The following SNX29 variants were observed in gnomAD, a reference collection of about 807,000 sequenced individuals.
SNX29 encodes sorting nexin-29.
Under a neutral mutation model 102.1 loss-of-function variants are expected in SNX29, and 78 were observed. The observed-to-expected ratio is 0.76, with a 90% CI of 0.64 to 0.92. SNX29 has a LOEUF of 0.92. Among genes scored for constraint, SNX29 ranks in the 40% least tolerant of loss-of-function variants. The pLI is 0.00. For synonymous variants in SNX29, 580 were observed against 414.5 expected (o/e 1.40, Z -4.85); for missense variants, 1,280 against 1,061.7 (o/e 1.21, Z -2.86).
At chr16:12,563,559 A>T (rs2078851331) in intron 20 of SNX29, among the ~76,000 whole-genome samples, 1 of 152,022 alleles carries the variant, frequency 6.6e-6, no homozygotes, top group Non-Finnish European at 1.5e-5. Flanking sequence ...TGAGGGGTCT[A>T]CCCCACCCCT....
At chr16:12,391,253 T>C (rs981999022) in intron 16 of SNX29, among the ~76,000 whole-genome samples, 1 of 152,150 alleles carries the variant, frequency 6.6e-6, no homozygotes, top group Non-Finnish European at 1.5e-5. Context: ...GCCTTACAAA[T>C]TATCATTGTT....
intron 19 of SNX29, among the ~76,000 whole-genome samples, chr16:12,508,231 C>T (rs1170073936): frequency 2.6e-5 from 4 of 152,136 alleles, no homozygotes; most frequent in Admixed American, 6.5e-5. Flanking sequence ...TCCAGAGAAT[C>T]GGCAAGGTCA....
chr16:12,457,690 C>G (rs1454055346), intron 18 of SNX29, among the ~76,000 whole-genome samples: 2 of 152,216 alleles, frequency 1.3e-5, no homozygotes, highest in African/African-American at 4.8e-5. Flanking sequence ...ACACGTTAGC[C>G]TCTGCCGTGG....
At chr16:12,511,774 C>T (rs148071435) in intron 19 of SNX29, among the ~76,000 whole-genome samples, 2 of 152,098 alleles carry the variant, frequency 1.3e-5, no homozygotes, top group Non-Finnish European at 2.9e-5. Flanking sequence ...GTCATCCCCC[C>T]TCCCCCGCAA....
chr16:12,550,747 G>A (rs1406309167), intron 20 of SNX29, among the ~76,000 whole-genome samples: 4 of 152,072 alleles, frequency 2.6e-5, no homozygotes, highest in Middle Eastern at 3.4e-3. Context: ...TAAAAAAGGT[G>A]ATAAAATAGT....
intron 20 of SNX29, among the ~76,000 whole-genome samples, chr16:12,537,908 C>T (rs565697073): frequency 3.3e-5 from 5 of 151,728 alleles, no homozygotes; most frequent in Admixed American, 2.6e-4. Context: ...TCACTGGAAC[C>T]CAGGAGGCAG....
At chr16:12,551,349 G>C (rs949885457) in intron 20 of SNX29, among the ~76,000 whole-genome samples, 4 of 152,172 alleles carry the variant, frequency 2.6e-5, no homozygotes, top group Admixed American at 2.6e-4. Flanking sequence ...TCATTCTTTT[G>C]GGGGCTAGTC....
chr16:12,038,193 G>C (rs568528674), intron 4 of SNX29, among the ~76,000 whole-genome samples: 2 of 152,230 alleles, frequency 1.3e-5, no homozygotes, highest in African/African-American at 4.8e-5. Flanking sequence ...CATACACGTA[G>C]GTACTGTTCT....
intron 2 of SNX29, chr16:12,000,490 G>A (rs1274406746): frequency 6.6e-6 from 1 of 152,030 alleles, no homozygotes; most frequent in East Asian, 1.9e-4. Context: ...TACACTATAG[G>A]GAGGTAAGTA....
chr16:12,309,165 A>C (rs1285537917), intron 15 of SNX29, among the ~76,000 whole-genome samples: 3 of 152,132 alleles, frequency 2.0e-5, no homozygotes, highest in Non-Finnish European at 4.4e-5. Flanking sequence ...GATGGGAGAG[A>C]AGAGGTGGGC....
intron 18 of SNX29, among the ~76,000 whole-genome samples, chr16:12,418,573 G>A (rs1017365342): frequency 3.3e-5 from 5 of 151,678 alleles, no homozygotes; most frequent in African/African-American, 9.7e-5. Flanking sequence ...GGAGTGCGGT[G>A]GCACGATCTT....
intron 20 of SNX29, among the ~76,000 whole-genome samples, chr16:12,563,299 A>G (rs539465767): frequency 6.6e-6 from 1 of 152,236 alleles, no homozygotes; most frequent in East Asian, 1.9e-4. Context: ...CAGCTCGGAA[A>G]GTCTGCTTTG....
Position 12,398,468 on chromosome 16 carries a change from C to G in SNX29, c.1922C>G (p.Thr641Arg), listed in dbSNP as rs200581572. Residue 641 changes from threonine (T) to arginine (R), a missense_variant, in exon 17 of 21, where the codon ACG (threonine) becomes AGG (arginine). Thr to Arg is a moderately conservative substitution (Grantham distance 71). Transcript: ENST00000566228. Reference protein sequence around the residue: ...RGPVPGDLSQTSEDQSLSDFE... With the variant: ...RGPVPGDLSQRSEDQSLSDFE... The stretch of plus-strand genomic sequence containing the variant: ...TAGGTGCCTGGAGATTTGAGTCAAA[C>G]GTCCGAAGACCAGAGTTTGTCGGAT... 4 of 1,614,014 alleles carry G rather than the reference C, an allele frequency of 2.5e-6. No homozygotes were observed. The East Asian group carries it at 6.7e-5, about 27-fold the overall frequency.
At chr16:12,195,703 G>A (rs372109140) in intron 13 of SNX29, among the ~76,000 whole-genome samples, 1 of 152,168 alleles carries the variant, frequency 6.6e-6, no homozygotes, top group Non-Finnish European at 1.5e-5. Context: ...TTCGCTAAAC[G>A]TGTATAATGT....
At chr16:12,442,167 A>G (rs1182912179) in intron 18 of SNX29, among the ~76,000 whole-genome samples, 1 of 152,200 alleles carries the variant, frequency 6.6e-6, no homozygotes, top group Non-Finnish European at 1.5e-5. Flanking sequence ...GTTTGTTTAA[A>G]AAAAAAACTG....
At chr16:12,181,264 G>A (rs1315854035) in intron 13 of SNX29, among the ~76,000 whole-genome samples, 2 of 152,202 alleles carry the variant, frequency 1.3e-5, no homozygotes, top group Admixed American at 6.5e-5. Flanking sequence ...AGCCTCCGGA[G>A]GTCCCGAGGA....
intron 13 of SNX29, among the ~76,000 whole-genome samples, chr16:12,144,361 C>T (rs2054974150): frequency 6.6e-6 from 1 of 152,186 alleles, no homozygotes; most frequent in South Asian, 2.1e-4. Context: ...CCATAAACAA[C>T]ATGTAGGTTT....
At chr16:12,349,687 A>G (rs955865306) in intron 15 of SNX29, among the ~76,000 whole-genome samples, 3 of 152,228 alleles carry the variant, frequency 2.0e-5, no homozygotes, top group Non-Finnish European at 4.4e-5. Flanking sequence ...ATAGGCATCT[A>G]AAAGAATGAC....
At chr16:12,317,945 T>TG (rs1282091772) in intron 15 of SNX29, among the ~76,000 whole-genome samples, 1 of 152,222 alleles carries the variant, frequency 6.6e-6, no homozygotes, top group Non-Finnish European at 1.5e-5. Context: ...TCTACCGGCC[T>TG]GGGGGAAACA....
Sources: allele counts gnomAD v4.1 joint callset (sites outside exome capture counted in the v4.1 genomes callset), GRCh38; gene constraint gnomAD v4.1.1; transcripts MANE v1.5; gene names NCBI Gene and HGNC (gene_info 2026-07-23, HGNC 2026-07-21).